Variants in UBXN8 observed in about 807,000 individuals in gnomAD.
UBXN8 encodes the protein UBX domain protein 8, also known as UBX domain-containing protein 8.
UBXN8 carries 27 observed loss-of-function variants against 32.1 expected under a neutral mutation model. The ratio of observed to expected loss-of-function variants is 0.84; its 90% CI spans 0.62 to 1.16. UBXN8 has a LOEUF of 1.16. Among genes scored for constraint, UBXN8 ranks in the 50% most tolerant of loss-of-function variants. UBXN8 has a pLI of 0.00. For synonymous variants in UBXN8, 109 were observed against 111.8 expected (o/e 0.98, Z 0.16); for missense variants, 306 against 311.4 (o/e 0.98, Z 0.13).
intron 5 of UBXN8, among the ~76,000 whole-genome samples, chr8:30,760,212 G>A (rs1486147950): frequency 5.8e-5 from 3 of 51,512 alleles, no homozygotes; most frequent in Admixed American, 5.6e-4. Context: ...ATGGGCACCC[G>A]CCATCATGCC....
At position 30,749,400 on chromosome 8, in the gene UBXN8, A is replaced by AAAAT. The variant is rs1554577892; in HGVS notation, c.89-1993_89-1992insTAAA. Among the ~76,000 whole-genome samples, 454 of 137,404 alleles carry AAAAT rather than the reference A, an allele frequency of 3.3e-3. 8 individuals carry two copies. The highest frequency in any genetic ancestry group is 0.032 in the East Asian group (156 of 4,930). 90.1% of individuals were successfully genotyped at this position (137,404 alleles called of 152,430 possible). A position where few individuals can be genotyped will look rare whatever the true frequency, so the allele number is the denominator to read the frequency against. On this transcript the variant is annotated intron_variant, in intron 1 of 7. Coordinates refer to ENST00000265616, the MANE Select transcript of UBXN8 (RefSeq NM_005671.4). ...AGACTGAGGCTCCGTCTCAAAAAAAAAAAATAAAATAAATAAATAAATAAA... is the reference window on the plus strand; with the variant it reads ...AGACTGAGGCTCCGTCTCAAAAAAAAAAATAAAATAAAATAAATAAATAAATAAA...
intron 4 of UBXN8, among the ~76,000 whole-genome samples, chr8:30,755,527 C>A (rs1586100425): frequency 6.6e-6 from 1 of 151,912 alleles, no homozygotes; most frequent in South Asian, 2.1e-4. Flanking sequence ...ATGAGGCAGG[C>A]AGATTGCTTG....
chr8:30,753,527 G>C (rs921639616), intron 3 of UBXN8, among the ~76,000 whole-genome samples: 9 of 152,166 alleles, frequency 5.9e-5, no homozygotes, highest in African/African-American at 2.2e-4. Flanking sequence ...AAAATGCTGG[G>C]ATTACAGGCA....
chr8:30,743,158 CTT>C (rs71206286), upstream of UBXN8, among the ~76,000 whole-genome samples: 126,495 of 136,868 alleles, frequency 0.92, 58,853 homozygotes, highest in East Asian at 0.98. Flanking sequence ...TTCTTTCTTT[CTT>C]TTTTTTTTTT....
At chr8:30,756,422 A>C (rs1805662197) in intron 4 of UBXN8, 2 of 227,032 alleles carry the variant, frequency 8.8e-6, no homozygotes, top group South Asian at 6.9e-5. Context: ...TGTGATTACA[A>C]GCGTGAGCCA....
Position 30,758,041 on chromosome 8 carries a change from G to A in UBXN8, c.528+1154G>A, listed in dbSNP as rs181078243. Among the ~76,000 whole-genome samples the A allele has an allele frequency of 6.9e-4, 105 of 151,360 alleles. No individual in the cohort carries two copies. The East Asian group carries it at 0.018, about 26-fold the overall frequency. On this transcript the variant is annotated intron_variant, in intron 5 of 7. Transcript: ENST00000265616. The stretch of plus-strand genomic sequence containing the variant: ...CTCCCGAGTAGCTGGGACTACAGGC[G>A]CCCACCACCCCACCCAGCTAATTTT...
chr8:30,758,903 T>TTTTTTTTTTGTTTTG (rs1563564679), intron 5 of UBXN8, among the ~76,000 whole-genome samples: 1 of 143,410 alleles, frequency 7.0e-6, no homozygotes, highest in African/African-American at 2.6e-5. Context: ...TGTTTTTTTT[T>TTTTTTTTTTGTTTTG]TTTTTTTTGA....
chr8:30,756,093 C>A, intron 4 of UBXN8: 1 of 151,810 alleles, frequency 6.6e-6, no homozygotes, highest in South Asian at 1.9e-4. Flanking sequence ...GGCACCATCT[C>A]AGCTCAATGC....
chr8:30,734,885 G>A (rs1563554164), intron 1 of UBXN8, among the ~76,000 whole-genome samples: 1 of 152,142 alleles, frequency 6.6e-6, no homozygotes, highest in Non-Finnish European at 1.5e-5. Flanking sequence ...TGAGGCTGTG[G>A]TGAAATGTGA....
At chr8:30,731,223 C>T (rs1041649100), upstream of UBXN8, among the ~76,000 whole-genome samples, 9 of 152,148 alleles carry the variant, frequency 5.9e-5, no homozygotes, top group Non-Finnish European at 8.8e-5. Flanking sequence ...TGAGGGGGAC[C>T]GGGCTCAAGG....
At chr8:30,751,894 C>CTTTT (rs1335998614) in intron 2 of UBXN8, among the ~76,000 whole-genome samples, 1 of 137,288 alleles carries the variant, frequency 7.3e-6, no homozygotes, top group Non-Finnish European at 1.6e-5. Context: ...TACCATTAAA[C>CTTTT]TTTTTTTTTT....
upstream of UBXN8, among the ~76,000 whole-genome samples, chr8:30,742,657 CA>C (rs561189501): frequency 3.0e-3 from 454 of 152,068 alleles, 1 homozygote; most frequent in Admixed American, 5.2e-3. Context: ...CTCTAAACTG[CA>C]GCAATAATCA....
chr8:30,754,919 C>A, intron 4 of UBXN8, 132 bp downstream of exon 4: 6 of 1,120,816 alleles, frequency 5.4e-6, no homozygotes, highest in Non-Finnish European at 7.2e-6. Context: ...AGTTTTTGTT[C>A]AGCATACTTG....
rs546516369 is a variant in UBXN8, at chr8:30,753,339, C to T, written c.282+234C>T. On this transcript the variant is annotated intron_variant, in intron 3 of 7. Transcript: ENST00000265616. ...TGGCGAAATCTCGGCTCACTGCAAT[C>T]TCCACCTCCCAGGTTCAAGTGATTC... 1.6e-4 allele frequency among the ~76,000 whole-genome samples: 24 copies of T among 152,292 alleles called. No individual in the cohort carries two copies. In the South Asian group the frequency reaches 4.6e-3, roughly 29 times the overall value.
At chr8:30,729,140 G>A (rs1333192609), upstream of UBXN8, among the ~76,000 whole-genome samples, 1 of 152,228 alleles carries the variant, frequency 6.6e-6, no homozygotes, top group African/African-American at 2.4e-5. Context: ...AGCCCCTTAG[G>A]GGGCTTAGGC....
intron 5 of UBXN8, among the ~76,000 whole-genome samples, chr8:30,758,702 A>G (rs1805729658): frequency 6.6e-6 from 1 of 152,146 alleles, no homozygotes; most frequent in South Asian, 2.1e-4. Flanking sequence ...TGTTAATGAC[A>G]CTGTCTTATG....
rs376861796 is a variant in UBXN8, at chr8:30,766,416, T to C, written c.*22T>C. Reference sequence around the variant, plus strand: ...CTAGGAAAGAAGGGAGAGCTCCCTGTTTGCATGAAGTCAGTTATGCTATGA... The same window carrying C: ...CTAGGAAAGAAGGGAGAGCTCCCTGCTTGCATGAAGTCAGTTATGCTATGA... On this transcript the variant is annotated 3_prime_UTR_variant, in exon 8 of 8. Transcript: ENST00000265616. 33 of 1,562,178 alleles carry C rather than the reference T, an allele frequency of 2.1e-5. No individual in the cohort carries two copies. The African/African-American group carries it at 4.3e-4, about 20-fold the overall frequency.
intron 1 of UBXN8, among the ~76,000 whole-genome samples, chr8:30,746,671 C>T (rs1230180160): frequency 1.4e-5 from 2 of 137,974 alleles, no homozygotes; most frequent in African/African-American, 5.7e-5. Flanking sequence ...TACAGGCATG[C>T]ACCACCATGC....
At chr8:30,744,370 G>A in intron 1 of UBXN8, 93 bp downstream of exon 1, 4 of 1,302,390 alleles carry the variant, frequency 3.1e-6, no homozygotes, top group Non-Finnish European at 4.3e-6. Flanking sequence ...GCGTGGCTTC[G>A]GAGCAGCTTT....
Sources: allele counts gnomAD v4.1 joint callset (sites outside exome capture counted in the v4.1 genomes callset), GRCh38; gene constraint gnomAD v4.1.1; transcripts MANE v1.5; gene names NCBI Gene and HGNC (gene_info 2026-07-23, HGNC 2026-07-21).